TOP2A: variants seen among roughly 807,000 people sequenced by gnomAD.
The protein encoded by TOP2A is DNA topoisomerase 2-alpha.
A neutral mutation model predicts 187.2 loss-of-function variants in TOP2A; 68 were observed. The ratio of observed to expected loss-of-function variants is 0.36; its 90% CI spans 0.30 to 0.44. TOP2A has a LOEUF of 0.44. Among genes scored for constraint, TOP2A ranks in the 20% least tolerant of loss-of-function variants. TOP2A has a pLI of 1.00. For synonymous variants in TOP2A, 542 were observed against 593.2 expected (o/e 0.91, Z 1.25); for missense variants, 1,196 against 1,808.7 (o/e 0.66, Z 6.14).
At chr17:40,407,816 G>A (rs2035267288) in intron 12 of TOP2A, 142 bp from the exon 13 acceptor site, 1 of 1,186,384 alleles carries the variant, frequency 8.4e-7, no homozygotes, top group South Asian at 1.5e-5. Context: ...AGAAAGGTCT[G>A]TTAAAATAGG....
At chr17:40,417,481 G>T in intron 1 of TOP2A, 1 of 1,318,518 alleles carries the variant, frequency 7.6e-7, no homozygotes, top group Non-Finnish European at 9.9e-7. Context: ...ACTCAATAAC[G>T]TCGCACCCGG....
chr17:40,404,133 A>G lies in TOP2A; in HGVS notation c.2283+19T>C, dbSNP rs773242676. 5 of 1,609,798 alleles carry G rather than the reference A, an allele frequency of 3.1e-6. No individual in the cohort carries two copies. Among genetic ancestry groups the G allele is most frequent in the Non-Finnish European group, 2.5e-6 (3 of 1,178,740 alleles). On this transcript the variant is annotated intron_variant, in intron 19 of 34. Coordinates refer to ENST00000423485, the MANE Select transcript of TOP2A (RefSeq NM_001067.4). ...ATTTCTGATATAATGCTTTCTGGAA[A>G]CATGGATTGTGTGTTTACCTCACCA...
At position 40,411,853 on chromosome 17, in the gene TOP2A, G is replaced by A. The variant is rs1352906130; in HGVS notation, c.790-35C>T. Reference sequence around the variant, plus strand: ...AATTAAAGGTAACAGTATTAAGAAAGTTATTAAAAAATAGGTTCAATGATA... The same window carrying A: ...AATTAAAGGTAACAGTATTAAGAAAATTATTAAAAAATAGGTTCAATGATA... On this transcript the variant is annotated intron_variant, in intron 7 of 34. Coordinates refer to ENST00000423485, the MANE Select transcript of TOP2A (RefSeq NM_001067.4). This position sits in a 1 kb window ranked among gnomAD's most constrained non-coding sequence, Gnocchi z 4.4. The A allele has an allele frequency of 2.0e-6, 3 of 1,517,612 alleles. No homozygotes were observed. Among genetic ancestry groups the A allele is most frequent in the African/African-American group, 2.8e-5 (2 of 71,476 alleles). The allele number at this position is 1,517,612 out of a possible 1,614,324, so 94.0% of individuals were successfully genotyped here.
chr17:40,413,155 T>C lies in TOP2A; in HGVS notation c.576+40A>G, dbSNP rs747031960. 1.9e-5 allele frequency: 27 copies of C among 1,427,302 alleles called. No homozygotes were observed. The African/African-American group carries it at 3.5e-4, about 19-fold the overall frequency. The allele number at this position is 1,427,302 out of a possible 1,614,324, so 88.4% of individuals were successfully genotyped here. A position where few individuals can be genotyped will look rare whatever the true frequency, so the allele number is the denominator to read the frequency against. On this transcript the variant is annotated intron_variant, in intron 6 of 34. Transcript: ENST00000423485. ...ATGCCATTATAAATGGCTATACTAC[T>C]ACCATTTATCATTAAGGTACAAGAC...
rs149719761 is a variant in TOP2A at position 40,415,147 on chromosome 17, C to T, written c.332+858G>A. Among the ~76,000 whole-genome samples the T allele has an allele frequency of 9.6e-3, 1,449 of 151,578 alleles. 21 individuals carry two copies. Among genetic ancestry groups the T allele is most frequent in the African/African-American group, 0.034 (1,387 of 41,302 alleles). On this transcript the variant is annotated intron_variant, in intron 4 of 34. Transcript: ENST00000423485. ...TCGGCTCACTGCAAGCTCCACCTCC[C>T]GGGTTCATGCCATTCTCCTGCCTCA...
chr17:40,404,900 G>T lies in TOP2A; in HGVS notation c.1954-17C>A. ...GCTAAAGGCCTATAAATTAAAGGAT[G>T]AAAAGATGTCACTGGTACTAATAGG... On this transcript the variant is annotated splice_polypyrimidine_tract_variant and intron_variant, in intron 16 of 34. Transcript: ENST00000423485. 1 of 1,481,026 alleles carries T rather than the reference G, an allele frequency of 6.8e-7. No homozygotes were observed. The highest frequency in any genetic ancestry group is 1.2e-5 in the South Asian group (1 of 83,240). The allele number at this position is 1,481,026 out of a possible 1,614,324, so 91.7% of individuals were successfully genotyped here.
Position 40,404,494 on chromosome 17 carries a change from G to C in TOP2A, c.2047-3C>G, listed in dbSNP as rs770046640. The C allele has an allele frequency of 1.3e-6, 2 of 1,533,116 alleles. No individual in the cohort carries two copies. Among genetic ancestry groups the C allele is most frequent in the South Asian group, 2.3e-5 (2 of 87,992 alleles). The allele number at this position is 1,533,116 out of a possible 1,614,324, so 95.0% of individuals were successfully genotyped here. ...GTAGTTTGTCCATACAAGTAATCCT[G>C]AAGGACCAAATAGTATTACATGAGT... On this transcript the variant is annotated splice_region_variant and splice_polypyrimidine_tract_variant and intron_variant, in intron 17 of 34. Transcript: ENST00000423485.
intron 4 of TOP2A, among the ~76,000 whole-genome samples, chr17:40,415,057 C>CA (rs374268683): frequency 7.1e-6 from 1 of 141,046 alleles, no homozygotes; most frequent in Non-Finnish European, 1.6e-5. Context: ...ATTAGCTCAA[C>CA]TTTTTTTTTT....
intron 1 of TOP2A, 46 bp downstream of exon 1, chr17:40,417,725 C>T (rs1337432535): frequency 2.5e-6 from 4 of 1,610,534 alleles, no homozygotes; most frequent in African/African-American, 2.7e-5. Flanking sequence ...GAGAGATGCC[C>T]GGGCCGCGCG....
intron 29 of TOP2A, among the ~76,000 whole-genome samples, chr17:40,394,922 G>A (rs937748807): frequency 1.3e-5 from 2 of 152,218 alleles, no homozygotes; most frequent in East Asian, 3.9e-4. Context: ...CCCAATTAAG[G>A]AATTCAAATT....
Position 40,400,234 on chromosome 17 carries a change from T to C in TOP2A, c.2975A>G (p.Gln992Arg). 6.2e-7 allele frequency: 1 copy of C among 1,613,974 alleles called. No individual in the cohort carries two copies. Among genetic ancestry groups the C allele is most frequent in the African/African-American group, 1.3e-5 (1 of 75,048 alleles). ...RVGLHKVFKL[Q>R]TSLTCNSMVL... ...CATAGAGTTGCATGTGAGACTAGTTTGGAGTTTGAAGACTTTGTGTAGTCC... is the reference window on the plus strand; with the variant it reads ...CATAGAGTTGCATGTGAGACTAGTTCGGAGTTTGAAGACTTTGTGTAGTCC... The change falls in exon 23 of 35, where the codon CAA becomes CGA. Residue 992 changes from glutamine (Q) to arginine (R), a missense_variant. Gln to Arg is a conservative substitution (Grantham distance 43). Coordinates refer to ENST00000423485, the MANE Select transcript of TOP2A (RefSeq NM_001067.4).
At chr17:40,403,136 A>C in intron 19 of TOP2A, 82 bp from the exon 20 acceptor site, 1 of 1,317,866 alleles carries the variant, frequency 7.6e-7, no homozygotes, top group Non-Finnish European at 1.0e-6. Flanking sequence ...TAATCCTGTA[A>C]CATTTTGTGA....
intron 5 of TOP2A, 81 bp downstream of exon 5, chr17:40,413,399 C>T: frequency 7.1e-7 from 1 of 1,400,604 alleles, no homozygotes; most frequent in Non-Finnish European, 9.6e-7. Flanking sequence ...ATTTCCATAT[C>T]TTTAACCCTC....
chr17:40,395,168 A>G (rs1458337144), intron 29 of TOP2A, among the ~76,000 whole-genome samples: 2 of 151,810 alleles, frequency 1.3e-5, no homozygotes, highest in African/African-American at 2.4e-5. Context: ...CTATAATCCC[A>G]GCTACTCAGG....
intron 1 of TOP2A, 31 bp from the exon 2 acceptor site, chr17:40,416,926 G>A (rs1351906339): frequency 1.3e-6 from 2 of 1,549,532 alleles, no homozygotes; most frequent in East Asian, 2.3e-5. Flanking sequence ...GAGAAAGAAG[G>A]GAATTTTTAA....
intron 10 of TOP2A, chr17:40,410,689 T>G (rs1366045036): frequency 2.2e-6 from 1 of 453,062 alleles, no homozygotes; most frequent in Non-Finnish European, 4.4e-6. Flanking sequence ...AGCTTTCTTG[T>G]TTATACAACC....
intron 20 of TOP2A, 29 bp from the exon 21 acceptor site, chr17:40,401,110 T>C: frequency 6.3e-7 from 1 of 1,576,814 alleles, no homozygotes; most frequent in Non-Finnish European, 8.7e-7. Context: ...GAATGTTATT[T>C]TACAAAAATA....
intron 27 of TOP2A, among the ~76,000 whole-genome samples, chr17:40,397,465 T>C (rs1027596685): frequency 1.3e-5 from 2 of 151,968 alleles, no homozygotes; most frequent in Non-Finnish European, 2.9e-5. Context: ...TTTGTATTTT[T>C]AGTAGAGACA....
Position 40,399,947 on chromosome 17 carries a change from G to A in TOP2A, c.3121C>T (p.Leu1041Phe). ...TTCAGTTTAGCAGATTCAGCACCAA[G>A]CATTCCTAGGAGCCATTCTTTTCTT... is the stretch of plus-strand genomic sequence containing the variant. ...GLRKEWLLGM[L>F]GAESAKLNNQ... The change falls in exon 24 of 35, where the codon CTT becomes TTT. Residue 1041 changes from leucine (L) to phenylalanine (F), a missense_variant. This residue lies in a region of TOP2A where 232 missense variants were observed against 306.1 expected (regional missense o/e 0.76). Coordinates refer to ENST00000423485, the MANE Select transcript of TOP2A (RefSeq NM_001067.4). The A allele has an allele frequency of 1.9e-6, 3 of 1,613,006 alleles. No homozygotes were observed. Among genetic ancestry groups the A allele is most frequent in the Non-Finnish European group, 2.5e-6 (3 of 1,179,512 alleles).
Sources: allele counts gnomAD v4.1 joint callset (sites outside exome capture counted in the v4.1 genomes callset), GRCh38; gene constraint gnomAD v4.1.1; regional missense constraint gnomAD v4.1.1; non-coding constraint Gnocchi (gnomAD v3.1); transcripts MANE v1.5; gene names NCBI Gene and HGNC (gene_info 2026-07-23, HGNC 2026-07-21).